ARL14EP: variants seen among roughly 807,000 people sequenced by gnomAD.
ARL14EP encodes ARF like GTPase 14 effector protein, also known as ARL14 effector protein.
ARL14EP carries 12 observed loss-of-function variants against 23.1 expected under a neutral mutation model. The ratio of observed to expected loss-of-function variants is 0.52; its 90% CI spans 0.33 to 0.84. ARL14EP has a LOEUF of 0.84. Among genes scored for constraint, ARL14EP ranks in the 40% least tolerant of loss-of-function variants. The probability of loss-of-function intolerance (pLI) is 0.02; values close to 1 mark genes in which losing one functional copy is unlikely to be tolerated. For synonymous variants in ARL14EP, 97 were observed against 102.0 expected, an observed-to-expected ratio of 0.95 and a Z score of 0.29; for missense variants, 253 against 307.3, an observed-to-expected ratio of 0.82 and a Z score of 1.32.
chr11:30,327,740 C>T (rs998005945), intron 1 of ARL14EP, among the ~76,000 whole-genome samples: 3 of 147,622 alleles, frequency 2.0e-5, no homozygotes, highest in Admixed American at 6.9e-5. Flanking sequence ...AGGCGGATCA[C>T]GAGGTCAGGA....
intron 1 of ARL14EP, chr11:30,328,403 G>C (rs1947258367): frequency 6.6e-6 from 1 of 152,100 alleles, no homozygotes; most frequent in African/African-American, 2.4e-5. Flanking sequence ...AAAGTGCTGG[G>C]ATTACAGGCA....
At position 30,330,894 on chromosome 11, in the gene ARL14EP, G is replaced by A; in HGVS notation, c.-55G>A. 6.5e-7 allele frequency: 1 copy of A among 1,537,178 alleles called. No individual in the cohort carries two copies. The highest frequency in any genetic ancestry group is 1.7e-5 in the Admixed American group (1 of 58,558). On this transcript the variant is annotated 5_prime_UTR_variant, in exon 2 of 4. Coordinates refer to ENST00000282032, the MANE Select transcript of ARL14EP (RefSeq NM_152316.3). ...TTTAATATTTTCTCTAGGGTGATCA[G>A]CCCATGACCTAAACCTCCAGACAAA...
intron 1 of ARL14EP, among the ~76,000 whole-genome samples, chr11:30,325,760 CAT>C (rs1345178445): frequency 6.6e-6 from 1 of 152,134 alleles, no homozygotes. Context: ...TAAAAGTAGA[CAT>C]GTTTATAGAG....
intron 1 of ARL14EP, among the ~76,000 whole-genome samples, 174 bp downstream of exon 1, chr11:30,323,376 G>T (rs557909863): frequency 3.1e-4 from 47 of 152,248 alleles, no homozygotes; most frequent in African/African-American, 1.1e-3. Context: ...CCCTACCCCC[G>T]CGTAGTTCAT....
At position 30,335,770 on chromosome 11, in the gene ARL14EP, ATATATATG is replaced by A. The variant is rs1051039352; in HGVS notation, c.555-795_555-788del. Among the ~76,000 whole-genome samples, 37 of 126,984 alleles carry A rather than the reference ATATATATG, an allele frequency of 2.9e-4. No homozygotes were observed. The East Asian group carries it at 7.4e-3, about 25-fold the overall frequency. 83.3% of individuals were successfully genotyped at this position (126,984 alleles called of 152,430 possible). On this transcript the variant is annotated intron_variant, in intron 3 of 3. Transcript: ENST00000282032. ...ACTGGAAAAGCAAAAAAATATATAT[ATATATATG>A]TGTGTGTGTGTGTGTGTGTGTGACT...
chr11:30,333,389 A>G (rs1947301542), intron 3 of ARL14EP, among the ~76,000 whole-genome samples: 1 of 152,102 alleles, frequency 6.6e-6, no homozygotes, highest in Admixed American at 6.5e-5. Flanking sequence ...GGTGGTAAGC[A>G]AGTCTATTGG....
chr11:30,326,288 T>A lies in ARL14EP; in HGVS notation c.-64+3086T>A, dbSNP rs548412251. Among the ~76,000 whole-genome samples, 7 of 152,320 alleles carry A rather than the reference T, an allele frequency of 4.6e-5. No individual in the cohort carries two copies. In the South Asian group the frequency reaches 1.5e-3, roughly 32 times the overall value. Reference sequence around the variant, plus strand: ...AATGCAGATCCTGACTCATTGGGTCTGGAGCTGATACTGAGATTCTGTATT... The same window carrying A: ...AATGCAGATCCTGACTCATTGGGTCAGGAGCTGATACTGAGATTCTGTATT... On this transcript the variant is annotated intron_variant, in intron 1 of 3. Coordinates refer to ENST00000282032, the MANE Select transcript of ARL14EP (RefSeq NM_152316.3).
chr11:30,326,213 G>A (rs977117156), intron 1 of ARL14EP, among the ~76,000 whole-genome samples: 1 of 152,144 alleles, frequency 6.6e-6, no homozygotes, highest in Admixed American at 6.5e-5. Context: ...ATCTGAAGCA[G>A]TACATAGCAA....
chr11:30,333,123 C>G (rs1947298523), intron 3 of ARL14EP, 130 bp downstream of exon 3: 5 of 1,192,360 alleles, frequency 4.2e-6, no homozygotes, highest in Middle Eastern at 2.0e-4. Flanking sequence ...TAGTAAAAAC[C>G]TATGAAGGCC....
At chr11:30,332,135 A>T (rs1443541835) in intron 2 of ARL14EP, among the ~76,000 whole-genome samples, 3 of 152,052 alleles carry the variant, frequency 2.0e-5, no homozygotes, top group Non-Finnish European at 4.4e-5. Context: ...TAATTATTTC[A>T]TAATTCTTAC....
Position 30,336,943 on chromosome 11 carries a change from T to G in ARL14EP, c.*148T>G. The G allele has an allele frequency of 1.3e-6, 1 of 749,662 alleles. No individual in the cohort carries two copies. The highest frequency in any genetic ancestry group is 3.6e-4 in the Middle Eastern group (1 of 2,746). The allele number at this position is 749,662 out of a possible 1,614,324, so 46.4% of individuals were successfully genotyped here. On this transcript the variant is annotated 3_prime_UTR_variant, in exon 4 of 4. Coordinates refer to ENST00000282032, the MANE Select transcript of ARL14EP (RefSeq NM_152316.3). ...ATTTTTCATCTTGGGTGCTTTAAGA[T>G]TCACTATTTGATATAAATTCAGATA... is the stretch of plus-strand genomic sequence containing the variant.
chr11:30,332,780 G>T, intron 2 of ARL14EP, 86 bp from the exon 3 acceptor site: 1 of 1,501,226 alleles, frequency 6.7e-7, no homozygotes. Flanking sequence ...CCATGTTAGG[G>T]AATCGTCTGG....
chr11:30,327,118 T>C (rs1459343407), intron 1 of ARL14EP, among the ~76,000 whole-genome samples: 1 of 152,168 alleles, frequency 6.6e-6, no homozygotes. Flanking sequence ...AAAACTGAAC[T>C]TCCTGTAAAC....
At chr11:30,335,096 T>C (rs549882352) in intron 3 of ARL14EP, among the ~76,000 whole-genome samples, 1 of 152,306 alleles carries the variant, frequency 6.6e-6, no homozygotes, top group South Asian at 2.1e-4. Flanking sequence ...TGGAAGAAGA[T>C]TCGAGTCCTC....
chr11:30,333,698 G>T (rs1409167722), intron 3 of ARL14EP, among the ~76,000 whole-genome samples: 5 of 152,048 alleles, frequency 3.3e-5, no homozygotes, highest in Non-Finnish European at 2.9e-5. Flanking sequence ...CCCTGCAATG[G>T]TCTCTAAGTG....
At chr11:30,336,295 TGTTTAAAGTAAAG>T (rs1947331238) in intron 3 of ARL14EP, among the ~76,000 whole-genome samples, 1 of 152,206 alleles carries the variant, frequency 6.6e-6, no homozygotes, top group Non-Finnish European at 1.5e-5. Flanking sequence ...CTTTTTTGTT[TGTTTAAAGTAAAG>T]GGAAAATTAT....
chr11:30,333,273 A>T (rs1223192807), intron 3 of ARL14EP, among the ~76,000 whole-genome samples: 1 of 152,212 alleles, frequency 6.6e-6, no homozygotes, highest in East Asian at 1.9e-4. Context: ...TTATTTGAAA[A>T]GCATTGTTAT....
rs986962413 is a variant in ARL14EP at position 30,335,780 on chromosome 11, G to A, written c.555-787G>A. ...CAAAAAAATATATATATATATATGT[G>A]TGTGTGTGTGTGTGTGTGTGACTCA... On this transcript the variant is annotated intron_variant, in intron 3 of 3. Coordinates refer to ENST00000282032, the MANE Select transcript of ARL14EP (RefSeq NM_152316.3). 8.0e-5 allele frequency among the ~76,000 whole-genome samples: 12 copies of A among 149,330 alleles called. No homozygotes were observed. In the East Asian group the frequency reaches 9.8e-4, roughly 12 times the overall value.
chr11:30,325,522 A>G (rs1443838340), intron 1 of ARL14EP, among the ~76,000 whole-genome samples: 2 of 152,180 alleles, frequency 1.3e-5, no homozygotes, highest in Non-Finnish European at 2.9e-5. Context: ...TGACATTGAA[A>G]AGTATTGAAA....
Sources: gnomAD v4.1 joint callset for allele counts (sites outside exome capture counted in the v4.1 genomes callset) on GRCh38, gnomAD v4.1.1 for gene constraint, MANE v1.5 for transcripts, NCBI Gene and HGNC (gene_info 2026-07-23, HGNC 2026-07-21) for gene names.